The following PDE4D variants were observed in gnomAD, a reference collection of about 807,000 sequenced individuals.
The protein encoded by PDE4D is phosphodiesterase 4D, also known as 3',5'-cyclic-AMP phosphodiesterase 4D.
A neutral mutation model predicts 87.4 loss-of-function variants in PDE4D; 24 were observed. The observed-to-expected ratio is 0.27, with a 90% confidence interval of 0.20 to 0.39. PDE4D has a LOEUF of 0.39. Ranked by LOEUF, PDE4D falls within the 10% of genes least tolerant of loss-of-function variation. PDE4D has a pLI of 1.00. For synonymous variants in PDE4D, 384 were observed against 383.2 expected, an observed-to-expected ratio of 1.00 and a Z score of -0.02; for missense variants, 714 against 1,041.0, an observed-to-expected ratio of 0.69 and a Z score of 4.32.
chr5:60,264,430 A>G (rs1022691124), intron 1 of PDE4D, among the ~76,000 whole-genome samples: 4 of 152,170 alleles, frequency 2.6e-5, no homozygotes, highest in African/African-American at 9.7e-5. Flanking sequence ...ACTAGAATGA[A>G]AGCTCTCTGC....
At chr5:59,681,703 G>A (rs547351080) in intron 1 of PDE4D, among the ~76,000 whole-genome samples, 44 of 151,878 alleles carry the variant, frequency 2.9e-4, no homozygotes, top group Middle Eastern at 3.4e-3. Flanking sequence ...GATGGAGACC[G>A]TCCTGGCTAA....
chr5:59,767,796 A>G (rs1025284267), intron 1 of PDE4D, among the ~76,000 whole-genome samples: 1 of 152,078 alleles, frequency 6.6e-6, no homozygotes, highest in African/African-American at 2.4e-5. Context: ...TTACACACAC[A>G]CTGTATGTGT....
intron 1 of PDE4D, among the ~76,000 whole-genome samples, chr5:59,340,083 A>G (rs536330810): frequency 6.6e-6 from 1 of 152,174 alleles, no homozygotes; most frequent in South Asian, 2.1e-4. Flanking sequence ...TTCTCTCTTG[A>G]TGAGCACTTT....
At chr5:59,743,771 A>G (rs945507226) in intron 1 of PDE4D, among the ~76,000 whole-genome samples, 2 of 152,176 alleles carry the variant, frequency 1.3e-5, no homozygotes, top group Non-Finnish European at 2.9e-5. Flanking sequence ...ACTGCTGAAC[A>G]GAGTCCAAAT....
intron 1 of PDE4D, among the ~76,000 whole-genome samples, chr5:59,294,290 C>G (rs1466727429): frequency 6.6e-6 from 1 of 152,126 alleles, no homozygotes; most frequent in Non-Finnish European, 1.5e-5. Context: ...TCTGTGTGAG[C>G]TGTCCATTGC....
At chr5:60,262,296 A>G (rs894231562) in intron 1 of PDE4D, 2 of 152,170 alleles carry the variant, frequency 1.3e-5, no homozygotes, top group Non-Finnish European at 2.9e-5. Flanking sequence ...GTTGGACCAA[A>G]AGACCTTGGG....
chr5:59,267,821 T>A (rs1763100747), intron 1 of PDE4D, among the ~76,000 whole-genome samples: 1 of 152,134 alleles, frequency 6.6e-6, no homozygotes, highest in Non-Finnish European at 1.5e-5. Flanking sequence ...ATTCTACACC[T>A]AGTTTCTAGT....
At chr5:60,364,962 C>T (rs1234962395) in intron 1 of PDE4D, among the ~76,000 whole-genome samples, 1 of 152,130 alleles carries the variant, frequency 6.6e-6, no homozygotes, top group Non-Finnish European at 1.5e-5. Flanking sequence ...GATAGACTCG[C>T]TTCAGAAAAT....
chr5:60,007,598 C>T (rs548301198), intron 2 of PDE4D, among the ~76,000 whole-genome samples: 2 of 152,112 alleles, frequency 1.3e-5, no homozygotes, highest in South Asian at 2.1e-4. Context: ...CTTTACTATG[C>T]TTAATATTTA....
chr5:59,165,112 T>C (rs1172052195), intron 5 of PDE4D: 1 of 152,106 alleles, frequency 6.6e-6, no homozygotes, highest in Non-Finnish European at 1.5e-5. Flanking sequence ...AAATAAATAG[T>C]GCATTGAAAC....
At position 59,794,134 on chromosome 5, in the gene PDE4D, GGC is replaced by G. The variant is rs1187157981; in HGVS notation, c.455+99032_455+99033del. ...ACAGATACACAGACACACACACAGA[GGC>G]GCACACACACACACACACACACACA... On this transcript the variant is annotated intron_variant, in intron 1 of 14. Coordinates refer to ENST00000340635, the MANE Select transcript of PDE4D (RefSeq NM_001104631.2). Among the ~76,000 whole-genome samples, 219 of 104,492 alleles carry G rather than the reference GGC, an allele frequency of 2.1e-3. 1 individual carries two copies. The highest frequency in any genetic ancestry group is 8.0e-3 in the African/African-American group (200 of 24,900). The allele number at this position is 104,492 out of a possible 152,430, so 68.6% of individuals were successfully genotyped here. A position where few individuals can be genotyped will look rare whatever the true frequency, so the allele number is the denominator to read the frequency against.
chr5:59,950,965 A>G (rs1758232007), intron 3 of PDE4D, among the ~76,000 whole-genome samples: 1 of 152,082 alleles, frequency 6.6e-6, no homozygotes, highest in Non-Finnish European at 1.5e-5. Context: ...AAGAAGAGCA[A>G]TTTCAAAAAA....
intron 2 of PDE4D, among the ~76,000 whole-genome samples, chr5:60,131,302 G>C (rs1163745877): frequency 2.6e-5 from 4 of 152,166 alleles, no homozygotes; most frequent in Non-Finnish European, 5.9e-5. Flanking sequence ...GAAGGATAAA[G>C]CTGGGCCCTC....
chr5:60,240,840 G>A (rs1288221794), intron 1 of PDE4D, among the ~76,000 whole-genome samples: 1 of 152,116 alleles, frequency 6.6e-6, no homozygotes, highest in Non-Finnish European at 1.5e-5. Flanking sequence ...TACCCCCGAT[G>A]CAGATATGGC....
At chr5:59,486,772 T>C (rs1207317217) in intron 1 of PDE4D, among the ~76,000 whole-genome samples, 1 of 152,162 alleles carries the variant, frequency 6.6e-6, no homozygotes, top group South Asian at 2.1e-4. Flanking sequence ...ATAGGAGACA[T>C]GGCCTATGGA....
intron 1 of PDE4D, among the ~76,000 whole-genome samples, chr5:59,749,497 C>T (rs1760116991): frequency 6.6e-6 from 1 of 152,174 alleles, no homozygotes; most frequent in East Asian, 1.9e-4. Context: ...CTCCTGACCT[C>T]AGGGGATCCG....
intron 1 of PDE4D, among the ~76,000 whole-genome samples, chr5:59,684,645 T>G (rs1476241616): frequency 2.0e-5 from 3 of 152,194 alleles, no homozygotes; most frequent in Admixed American, 6.5e-5. Flanking sequence ...GAGGATATGC[T>G]GCAGACCTCC....
chr5:60,321,573 G>C (rs1756273699), intron 1 of PDE4D, among the ~76,000 whole-genome samples: 1 of 152,144 alleles, frequency 6.6e-6, no homozygotes, highest in African/African-American at 2.4e-5. Context: ...ATGAGCTTTT[G>C]CACAGCAAAA....
chr5:60,413,813 G>A (rs916696103), intron 1 of PDE4D, among the ~76,000 whole-genome samples: 3 of 151,048 alleles, frequency 2.0e-5, no homozygotes, highest in Non-Finnish European at 4.4e-5. Context: ...AGATCCCAAA[G>A]TAACAAATAA....
Sources: allele counts gnomAD v4.1 joint callset (sites outside exome capture counted in the v4.1 genomes callset), GRCh38; gene constraint gnomAD v4.1.1; transcripts MANE v1.5; gene names NCBI Gene and HGNC (gene_info 2026-07-23, HGNC 2026-07-21).